The following ESAM variants were observed in gnomAD, a reference collection of about 807,000 sequenced individuals.
The protein encoded by ESAM is endothelial cell-selective adhesion molecule.
In ESAM, 23 loss-of-function variants were observed where a neutral mutation model predicts 31.8. The ratio of observed to expected loss-of-function variants is 0.72; its 90% confidence interval spans 0.52 to 1.03. The LOEUF (loss-of-function observed/expected upper bound fraction) is 1.03, where lower values mean the gene tolerates loss of function less well. ESAM is among the 50% of genes least tolerant of loss of function. ESAM has a pLI of 0.00. For missense variants in ESAM, 478 were observed against 488.9 expected, an observed-to-expected ratio of 0.98 and a Z score of 0.21; for synonymous variants, 216 against 207.2, an observed-to-expected ratio of 1.04 and a Z score of -0.37.
chr11:124,760,760 A>G (rs896982850), intron 1 of ESAM, among the ~76,000 whole-genome samples: 1 of 152,266 alleles, frequency 6.6e-6, no homozygotes, highest in African/African-American at 2.4e-5. Context: ...TGGGACACTC[A>G]GGCAGTCAAC....
chr11:124,761,549 G>A (rs918232534), intron 1 of ESAM, among the ~76,000 whole-genome samples: 3 of 152,034 alleles, frequency 2.0e-5, no homozygotes, highest in African/African-American at 7.2e-5. Context: ...CGTCCTTTTG[G>A]GGCACCTCCC....
rs1215637926 is a variant in ESAM, at chr11:124,753,476, C to G, written c.*170G>C. The stretch of plus-strand genomic sequence containing the variant: ...CCACTTCCTCTTCTCCTTCTGTCTC[C>G]TGGACACTTAGGTCTTACTGAGATG... On this transcript the variant is annotated 3_prime_UTR_variant, in exon 7 of 7. Coordinates refer to ENST00000278927, the MANE Select transcript of ESAM (RefSeq NM_138961.3). 2 of 704,790 alleles carry G rather than the reference C, an allele frequency of 2.8e-6. No homozygotes were observed. The highest frequency in any genetic ancestry group is 4.6e-6 in the Non-Finnish European group (2 of 438,108). 43.7% of individuals were successfully genotyped at this position (704,790 alleles called of 1,614,324 possible). A position where few individuals can be genotyped will look rare whatever the true frequency, so the allele number is the denominator to read the frequency against.
At position 124,756,229 on chromosome 11, in the gene ESAM, C is replaced by G; in HGVS notation, c.585G>C (p.Gln195His). The change falls in exon 4 of 7, where the codon CAG (glutamine) becomes CAC (histidine). Residue 195 changes from glutamine (Q) to histidine (H), a missense_variant. Physicochemically the swap from Gln to His is conservative, Grantham distance 24 (BLOSUM62 0). Transcript: ENST00000278927. Reference protein sequence around the residue: ...YQWDRQLPSFQTFFAPALDVI... With the variant: ...YQWDRQLPSFHTFFAPALDVI... ...CACCTAATGCTGGTGCAAAGAAAGT[C>G]TGGAAGGATGGAAGCTGCCGATCCC... is the stretch of plus-strand genomic sequence containing the variant. 1 of 1,614,010 alleles carries G rather than the reference C, an allele frequency of 6.2e-7. No individual in the cohort carries two copies.
chr11:124,756,767 C>T lies in ESAM; in HGVS notation c.250-25G>A, dbSNP rs543014490. On this transcript the variant is annotated intron_variant, in intron 2 of 6. Coordinates refer to ENST00000278927, the MANE Select transcript of ESAM (RefSeq NM_138961.3). ...CCTGGTGTGGGGCATAACACATCCC[C>T]GTCATTACTACATGTGTCTACTGTG... The T allele has an allele frequency of 6.9e-5, 111 of 1,610,578 alleles. 1 individual carries two copies. The highest frequency in any genetic ancestry group is 3.7e-4 in the Admixed American group (22 of 59,472).
chr11:124,756,172 G>A (rs774964649), intron 4 of ESAM, 35 bp downstream of exon 4: 1 of 1,611,982 alleles, frequency 6.2e-7, no homozygotes, highest in Non-Finnish European at 8.5e-7. Flanking sequence ...CCCTTCCCCA[G>A]CCACAGTGTC....
intron 1 of ESAM, among the ~76,000 whole-genome samples, chr11:124,760,333 G>A (rs181764543): frequency 1.0e-3 from 152 of 152,368 alleles, no homozygotes; most frequent in Non-Finnish European, 1.8e-3. Context: ...GAAGGACACT[G>A]GGACAGCCCA....
rs768246760 is a variant in ESAM at position 124,762,204 on chromosome 11, G to A, written c.-50C>T. ...CAGGGGCGCCAGCCGCGGGACGCAC[G>A]GACCTGCAGGTGCCGAGGCTGCGCG... On this transcript the variant is annotated 5_prime_UTR_variant, in exon 1 of 7. Coordinates refer to ENST00000278927, the MANE Select transcript of ESAM (RefSeq NM_138961.3). This position sits in a 1 kb window ranked among gnomAD's most constrained non-coding sequence, Gnocchi z 6.4. 44 of 1,448,866 alleles carry A rather than the reference G, an allele frequency of 3.0e-5. No individual in the cohort carries two copies. The highest frequency in any genetic ancestry group is 3.0e-5 in the Non-Finnish European group (32 of 1,068,380). The allele number at this position is 1,448,866 out of a possible 1,614,324, so 89.8% of individuals were successfully genotyped here.
At chr11:124,761,971 G>A in intron 1 of ESAM, 114 bp downstream of exon 1, 1 of 927,130 alleles carries the variant, frequency 1.1e-6, no homozygotes, top group Non-Finnish European at 1.7e-6. Context: ...GGAGGTCAGG[G>A]GAGGAGGGCG....
At position 124,758,433 on chromosome 11, in the gene ESAM, G is replaced by GGT. The variant is rs1565442565; in HGVS notation, c.163_164dup (p.Leu56ProfsTer17). 2 of 1,614,068 alleles carry GGT rather than the reference G, an allele frequency of 1.2e-6. No individual in the cohort carries two copies. The highest frequency in any genetic ancestry group is 1.7e-6 in the Non-Finnish European group (2 of 1,179,988). On this transcript the variant is annotated frameshift_variant, in exon 2 of 7. Coordinates refer to ENST00000278927, the MANE Select transcript of ESAM (RefSeq NM_138961.3). LOFTEE classifies it high-confidence loss of function. ...GGGATGAAGACACCTCCCCGTGCAA[G>GGT]GTGTACCACGCTGGAAGCACCACTT...
intron 4 of ESAM, among the ~76,000 whole-genome samples, chr11:124,755,763 G>C (rs143882101): frequency 2.0e-5 from 3 of 152,124 alleles, no homozygotes; most frequent in African/African-American, 7.2e-5. Context: ...GCATTGCCAC[G>C]CCTAGGAAAT....
chr11:124,756,799 G>A (rs1374495717), intron 2 of ESAM, 57 bp from the exon 3 acceptor site: 1 of 1,523,662 alleles, frequency 6.6e-7, no homozygotes, highest in Non-Finnish European at 8.8e-7. Flanking sequence ...TGTGCCTACA[G>A]GCTCAGCCAC....
Position 124,753,473 on chromosome 11 carries a change from C to T in ESAM, c.*173G>A. ...GATCCACTTCCTCTTCTCCTTCTGTCTCCTGGACACTTAGGTCTTACTGAG... is the reference window on the plus strand; with the variant it reads ...GATCCACTTCCTCTTCTCCTTCTGTTTCCTGGACACTTAGGTCTTACTGAG... On this transcript the variant is annotated 3_prime_UTR_variant, in exon 7 of 7. Transcript: ENST00000278927. The T allele has an allele frequency of 1.4e-6, 1 of 690,704 alleles. No individual in the cohort carries two copies. Among genetic ancestry groups the T allele is most frequent in the Non-Finnish European group, 2.3e-6 (1 of 425,640 alleles). 42.8% of individuals were successfully genotyped at this position (690,704 alleles called of 1,614,324 possible).
chr11:124,758,326 G>C, intron 2 of ESAM, 23 bp downstream of exon 2: 1 of 1,613,852 alleles, frequency 6.2e-7, no homozygotes, highest in Non-Finnish European at 8.5e-7. Flanking sequence ...CTTGCCGCTG[G>C]CTGACAGGCG....
Position 124,759,555 on chromosome 11 carries a change from C to G in ESAM, c.71-1028G>C, listed in dbSNP as rs914385814. ...ACGCCACCTCCGCGTGGCGAGCAGGCGGCCAACGCCGCGGGAAGAGGCCGC... is the reference window on the plus strand; with the variant it reads ...ACGCCACCTCCGCGTGGCGAGCAGGGGGCCAACGCCGCGGGAAGAGGCCGC... On this transcript the variant is annotated intron_variant, in intron 1 of 6. Transcript: ENST00000278927. This position sits in a 1 kb window ranked among gnomAD's most constrained non-coding sequence, Gnocchi z 6.8. The G allele has an allele frequency of 6.6e-6, 1 of 152,434 alleles. No homozygotes were observed. Among genetic ancestry groups the G allele is most frequent in the Admixed American group, 6.5e-5 (1 of 15,290 alleles). The allele number at this position is 152,434 out of a possible 1,614,324, so 9.4% of individuals were successfully genotyped here.
chr11:124,756,176 C>G (rs1170229323), intron 4 of ESAM, 31 bp downstream of exon 4: 1 of 1,612,308 alleles, frequency 6.2e-7, no homozygotes, highest in African/African-American at 1.3e-5. Context: ...TCCCCAGCCA[C>G]AGTGTCCACT....
At chr11:124,757,604 A>T in intron 2 of ESAM, 1 of 152,184 alleles carries the variant, frequency 6.6e-6, no homozygotes, top group East Asian at 1.9e-4. Context: ...CAGGGGGGCA[A>T]GGTGACAGAT....
rs1351203102 is a variant in ESAM, at chr11:124,756,281, C to G, written c.533G>C (p.Arg178Thr). ...ANVTLSCQSP[R>T]SKPAVQYQWD... ...CTGGTATTGGACAGCGGGCTTACTCCTTGGAGACTGGCAGCTCAGGGTCAC... is the reference window on the plus strand; with the variant it reads ...CTGGTATTGGACAGCGGGCTTACTCGTTGGAGACTGGCAGCTCAGGGTCAC... The change falls in exon 4 of 7, where the codon AGG (arginine) becomes ACG (threonine). Residue 178 changes from arginine (R) to threonine (T), a missense_variant. By Grantham distance (71) the Arg-to-Thr change is moderately conservative. Coordinates refer to ENST00000278927, the MANE Select transcript of ESAM (RefSeq NM_138961.3). The G allele has an allele frequency of 1.9e-6, 3 of 1,614,078 alleles. No homozygotes were observed. The highest frequency in any genetic ancestry group is 8.5e-7 in the Non-Finnish European group (1 of 1,180,004).
In ESAM at chr11:124,754,961, C is replaced by T. The variant is rs1565441474; in HGVS notation, c.608-198G>A. 1.3e-5 allele frequency among the ~76,000 whole-genome samples: 2 copies of T among 152,186 alleles called. No individual in the cohort carries two copies. The highest frequency in any genetic ancestry group is 2.9e-5 in the Non-Finnish European group (2 of 68,048). ...ACTAGTGCAATAACCTCCATTGTCA[C>T]TCCTCAGTCAGTGCCCCCAGTGGAT... is the stretch of plus-strand genomic sequence containing the variant. On this transcript the variant is annotated intron_variant, in intron 4 of 6. Transcript: ENST00000278927. This position sits in a 1 kb window ranked among gnomAD's most constrained non-coding sequence, Gnocchi z 4.5.
chr11:124,760,646 CA>C (rs1461231908), intron 1 of ESAM, among the ~76,000 whole-genome samples: 1 of 152,228 alleles, frequency 6.6e-6, no homozygotes, highest in South Asian at 2.1e-4. Flanking sequence ...GGCAACCCCC[CA>C]GGGGGACCGA....
Sources: allele counts gnomAD v4.1 joint callset (sites outside exome capture counted in the v4.1 genomes callset), GRCh38; gene constraint gnomAD v4.1.1; non-coding constraint Gnocchi (gnomAD v3.1); transcripts MANE v1.5; gene names NCBI Gene and HGNC (gene_info 2026-07-23, HGNC 2026-07-21).